MPPED2: variants seen among roughly 807,000 people sequenced by gnomAD.
The protein encoded by MPPED2 is metallophosphoesterase domain containing 2.
Under a neutral mutation model 33.0 loss-of-function variants are expected in MPPED2, and 5 were observed. That is an observed-to-expected ratio of 0.15 (90% CI 0.08 to 0.32). MPPED2 has a LOEUF of 0.32. Among genes scored for constraint, MPPED2 ranks in the 10% least tolerant of loss-of-function variants. The pLI is 1.00. For missense variants in MPPED2, 275 were observed against 372.1 expected (o/e 0.74, Z 2.15); for synonymous variants, 136 against 141.9 (o/e 0.96, Z 0.29).
At chr11:30,445,847 C>T (rs1193632666) in intron 4 of MPPED2, among the ~76,000 whole-genome samples, 2 of 152,190 alleles carry the variant, frequency 1.3e-5, no homozygotes, top group East Asian at 3.8e-4. Flanking sequence ...TTTATTCATT[C>T]ACCTGTCAGT....
intron 3 of MPPED2, chr11:30,501,619 A>G (rs1952566084): frequency 1.0e-6 from 1 of 980,926 alleles, no homozygotes. Context: ...CCTGTAATAG[A>G]TAGCATCCAG....
At chr11:30,392,106 T>G (rs1947785598) in intron 6 of MPPED2, among the ~76,000 whole-genome samples, 1 of 152,210 alleles carries the variant, frequency 6.6e-6, no homozygotes, top group Non-Finnish European at 1.5e-5. Flanking sequence ...TTTCTCTTCC[T>G]TCCACTTTGA....
intron 4 of MPPED2, among the ~76,000 whole-genome samples, chr11:30,423,470 G>T (rs961445110): frequency 6.6e-6 from 1 of 152,208 alleles, no homozygotes; most frequent in Non-Finnish European, 1.5e-5. Context: ...AGGGGAAAGT[G>T]CAAAGATCAC....
At chr11:30,495,598 A>G in intron 3 of MPPED2, 77 bp from the exon 4 acceptor site, 2 of 1,050,540 alleles carry the variant, frequency 1.9e-6, no homozygotes, top group Non-Finnish European at 2.9e-6. Context: ...CTGTGTGATT[A>G]GCAGACAGCT....
At position 30,580,450 on chromosome 11, in the gene MPPED2, A is replaced by C; in HGVS notation, c.-77T>G. The C allele has an allele frequency of 1.9e-6, 3 of 1,577,382 alleles. No individual in the cohort carries two copies. The highest frequency in any genetic ancestry group is 2.6e-6 in the Non-Finnish European group (3 of 1,159,080). Reference sequence around the variant, plus strand: ...GAAGCAGGCATGGTGCGTTTCAGCCAACCTCTGAATCCAAGGATCTACTCA... The same window carrying C: ...GAAGCAGGCATGGTGCGTTTCAGCCCACCTCTGAATCCAAGGATCTACTCA... On this transcript the variant is annotated 5_prime_UTR_variant, in exon 2 of 7. Transcript: ENST00000358117.
intron 3 of MPPED2, among the ~76,000 whole-genome samples, chr11:30,523,621 CT>C (rs755853042): frequency 0.045 from 4,726 of 104,616 alleles, 73 homozygotes; most frequent in African/African-American, 0.1. Context: ...AGCAACACAT[CT>C]TTTTTTTTTT....
At chr11:30,573,007 C>T (rs376218133) in intron 2 of MPPED2, among the ~76,000 whole-genome samples, 3 of 152,256 alleles carry the variant, frequency 2.0e-5, no homozygotes, top group African/African-American at 4.8e-5. Flanking sequence ...AATATCAGAG[C>T]TGATTAGTGA....
exon 7 of MPPED2, chr11:30,385,629 A>C (rs1204842784): frequency 6.7e-6 from 1 of 148,176 alleles, no homozygotes; most frequent in Non-Finnish European, 1.5e-5. Context: ...CAAGGCCTGC[A>C]AGGATGTTGA....
At chr11:30,501,177 T>C (rs1460471034) in intron 3 of MPPED2, among the ~76,000 whole-genome samples, 2 of 152,232 alleles carry the variant, frequency 1.3e-5, no homozygotes, top group Non-Finnish European at 2.9e-5. Flanking sequence ...GTTGTTATGT[T>C]ATTGTCATGA....
downstream of MPPED2, chr11:30,410,201 TC>T: frequency 9.1e-6 from 9 of 985,786 alleles, no homozygotes; most frequent in Non-Finnish European, 1.1e-5. Context: ...TCCTCCACCA[TC>T]CAACCCTCTA....
chr11:30,536,172 G>C lies in MPPED2; in HGVS notation c.132C>G (p.Val44=), dbSNP rs1254984181. 2 of 1,596,086 alleles carry C rather than the reference G, an allele frequency of 1.3e-6. No individual in the cohort carries two copies. Among genetic ancestry groups the C allele is most frequent in the Non-Finnish European group, 1.7e-6 (2 of 1,172,608 alleles). ...SRFQPPHVHM[V]DPIPYDTPKP... ...TTGGAGTGTCATATGGGATGGGGTC[G>C]ACCCTAAAGTAGACATAACAGATCC... is the stretch of plus-strand genomic sequence containing the variant. Residue 44 remains valine (V), a synonymous_variant, in exon 3 of 7, where the codon GTC becomes GTG. Transcript: ENST00000358117.
In MPPED2 at chr11:30,561,141, T is replaced by C. The variant is rs577139917; in HGVS notation, c.128+19105A>G. ...TTAAACCTTCATGTGGGTGTGCATA[T>C]ACACACACACACACTTATTTCAATA... On this transcript the variant is annotated intron_variant, in intron 2 of 6. Coordinates refer to ENST00000358117, the MANE Select transcript of MPPED2 (RefSeq NM_001584.3). 5.3e-5 allele frequency among the ~76,000 whole-genome samples: 8 copies of C among 152,064 alleles called. No individual in the cohort carries two copies. In the South Asian group the frequency reaches 6.2e-4, roughly 12 times the overall value.
intron 2 of MPPED2, among the ~76,000 whole-genome samples, chr11:30,549,274 T>G (rs1955587927): frequency 6.6e-6 from 1 of 152,220 alleles, no homozygotes; most frequent in Admixed American, 6.5e-5. Context: ...TTATTAGTCT[T>G]GTTATGGTTC....
chr11:30,455,045 C>T (rs893058547), intron 4 of MPPED2, among the ~76,000 whole-genome samples: 1 of 152,228 alleles, frequency 6.6e-6, no homozygotes. Context: ...CCAAATGCTA[C>T]TGCATAACTG....
At chr11:30,473,173 T>A (rs1017799380) in intron 4 of MPPED2, among the ~76,000 whole-genome samples, 3 of 152,222 alleles carry the variant, frequency 2.0e-5, no homozygotes, top group Admixed American at 6.5e-5. Flanking sequence ...TTGGACATTT[T>A]TTGGCTGATT....
At chr11:30,566,455 G>C (rs1956446068) in intron 2 of MPPED2, among the ~76,000 whole-genome samples, 1 of 152,100 alleles carries the variant, frequency 6.6e-6, no homozygotes, top group Non-Finnish European at 1.5e-5. Context: ...ACGAGTATCA[G>C]AAATACTCAC....
At chr11:30,565,555 A>G (rs191484827) in intron 2 of MPPED2, among the ~76,000 whole-genome samples, 2 of 152,258 alleles carry the variant, frequency 1.3e-5, no homozygotes, top group Non-Finnish European at 2.9e-5. Context: ...CAGAGACTCA[A>G]TTAGGTCTTC....
At chr11:30,474,964 G>C (rs996592958) in intron 4 of MPPED2, among the ~76,000 whole-genome samples, 1 of 152,160 alleles carries the variant, frequency 6.6e-6, no homozygotes, top group African/African-American at 2.4e-5. Context: ...GAATGTTGCT[G>C]ATACAAACTG....
At chr11:30,458,914 C>CTTTTTTTTTTTTT (rs71060450) in intron 4 of MPPED2, among the ~76,000 whole-genome samples, 10 of 64,542 alleles carry the variant, frequency 1.5e-4, no homozygotes, top group Admixed American at 4.1e-4. Context: ...TTGCACAGTT[C>CTTTTTTTTTTTTT]TTTTTTTTTT....
Sources: gnomAD v4.1 joint callset for allele counts (sites outside exome capture counted in the v4.1 genomes callset) on GRCh38, gnomAD v4.1.1 for gene constraint, MANE v1.5 for transcripts, NCBI Gene and HGNC (gene_info 2026-07-23, HGNC 2026-07-21) for gene names.